SNX2: variants seen among roughly 807,000 people sequenced by gnomAD.
SNX2 encodes sorting nexin-2.
A neutral mutation model predicts 69.9 loss-of-function variants in SNX2; 25 were observed. The ratio of observed to expected loss-of-function variants is 0.36; its 90% CI spans 0.26 to 0.50. The LOEUF is 0.50. Among genes scored for constraint, SNX2 ranks in the 20% least tolerant of loss-of-function variants. The pLI is 0.97. For synonymous variants in SNX2, 229 were observed against 200.4 expected (o/e 1.14, Z -1.20); for missense variants, 551 against 613.3 (o/e 0.90, Z 1.07).
In SNX2 at chr5:122,818,991, A is replaced by T; in HGVS notation, c.1180A>T (p.Ser394Cys). The T allele has an allele frequency of 6.2e-7, 1 of 1,613,836 alleles. No individual in the cohort carries two copies. Among genetic ancestry groups the T allele is most frequent in the Non-Finnish European group, 8.5e-7 (1 of 1,179,784 alleles). ...ADFYMFSELLSDYIRLIAAVK... is the reference protein window; with the variant it reads ...ADFYMFSELLCDYIRLIAAVK... ...CTTTTATATGTTTTCAGAACTACTTAGTGACTACATTCGTCTTATTGCTGC... is the reference window on the plus strand; with the variant it reads ...CTTTTATATGTTTTCAGAACTACTTTGTGACTACATTCGTCTTATTGCTGC... Residue 394 changes from serine (S) to cysteine (C), a missense_variant, in exon 11 of 15, where the codon AGT becomes TGT. Around this residue, in one of 2 missense-constraint regions of SNX2, gnomAD observed 360 missense variants for 450.4 expected, o/e 0.80. Coordinates refer to ENST00000379516, the MANE Select transcript of SNX2 (RefSeq NM_003100.4).
chr5:122,776,754 GA>G (rs1454687740), intron 1 of SNX2, among the ~76,000 whole-genome samples: 1 of 152,144 alleles, frequency 6.6e-6, no homozygotes, highest in Non-Finnish European at 1.5e-5. Context: ...GTGTGAACTA[GA>G]ATACTGTGAA....
intron 6 of SNX2, among the ~76,000 whole-genome samples, chr5:122,806,142 G>GCACGCACGCA (rs1554063175): frequency 7.7e-6 from 1 of 130,584 alleles, no homozygotes; most frequent in African/African-American, 2.9e-5. Context: ...ACACGCGCGC[G>GCACGCACGCA]CACACACACA....
Position 122,802,134 on chromosome 5 carries a change from T to C in SNX2, c.501+10T>C. 6.2e-7 allele frequency: 1 copy of C among 1,612,898 alleles called. No individual in the cohort carries two copies. On this transcript the variant is annotated intron_variant, in intron 5 of 14. Coordinates refer to ENST00000379516, the MANE Select transcript of SNX2 (RefSeq NM_003100.4). ...TAGAGTAACAACAAAGGTGAGCTTT[T>C]TGTGCTTTTAAAAAAACTATCGAGC...
At chr5:122,801,591 C>G (rs2150008182) in intron 3 of SNX2, among the ~76,000 whole-genome samples, 1 of 128,386 alleles carries the variant, frequency 7.8e-6, no homozygotes, top group East Asian at 2.3e-4. Flanking sequence ...GGCAGCAGAG[C>G]AAGACTCTAT....
At chr5:122,775,741 T>G in intron 1 of SNX2, 1 of 985,678 alleles carries the variant, frequency 1.0e-6, no homozygotes, top group Non-Finnish European at 1.2e-6. Flanking sequence ...GGGAGCTGCT[T>G]CTGATTTGGA....
intron 1 of SNX2, among the ~76,000 whole-genome samples, chr5:122,792,396 T>A (rs1314778256): frequency 6.6e-6 from 1 of 152,050 alleles, no homozygotes; most frequent in Non-Finnish European, 1.5e-5. Flanking sequence ...GATTTCAAGA[T>A]CAGCCTCACC....
chr5:122,790,981 G>A (rs1753221487), intron 1 of SNX2, among the ~76,000 whole-genome samples: 1 of 152,172 alleles, frequency 6.6e-6, no homozygotes, highest in Non-Finnish European at 1.5e-5. Context: ...CATTAAGTAT[G>A]ATGTTAGTTG....
chr5:122,815,056 G>T (rs1362320948), intron 7 of SNX2, among the ~76,000 whole-genome samples: 5 of 151,522 alleles, frequency 3.3e-5, no homozygotes, highest in African/African-American at 1.2e-4. Context: ...GCCGATAGCA[G>T]TTGTTTTTAA....
At chr5:122,779,593 T>C (rs1752926751) in intron 1 of SNX2, among the ~76,000 whole-genome samples, 1 of 152,214 alleles carries the variant, frequency 6.6e-6, no homozygotes, top group Admixed American at 6.5e-5. Context: ...TGACCATGAG[T>C]ATTCAGCTAT....
intron 6 of SNX2, among the ~76,000 whole-genome samples, chr5:122,807,261 C>G (rs1473500173): frequency 6.7e-6 from 1 of 148,218 alleles, no homozygotes; most frequent in Non-Finnish European, 1.5e-5. Context: ...GACCGTGTTT[C>G]GAAAAAGAAA....
chr5:122,778,953 C>T (rs1167755423), intron 1 of SNX2, among the ~76,000 whole-genome samples: 1 of 152,114 alleles, frequency 6.6e-6, no homozygotes, highest in African/African-American at 2.4e-5. Flanking sequence ...AAAAATCTGG[C>T]AAAAGCCTGT....
In SNX2 at chr5:122,819,492, T is replaced by A. The variant is rs550068682; in HGVS notation, c.1212+469T>A. Among the ~76,000 whole-genome samples the A allele has an allele frequency of 3.3e-4, 50 of 152,318 alleles. No homozygotes were observed. In the South Asian group the frequency reaches 0.01, roughly 32 times the overall value. On this transcript the variant is annotated intron_variant, in intron 11 of 14. Transcript: ENST00000379516. ...TATCCTCAAATATGTAGTCACCATG[T>A]GTTTATAGATGAGATGGGACTAGAT...
chr5:122,808,281 G>T lies in SNX2; in HGVS notation c.648G>T (p.Met216Ile). ...TCTCATTCAACTTCTTCAAAGGGATGACCAAGGTCAAAGTGGGTAAAGAAG... is the reference window on the plus strand; with the variant it reads ...TCTCATTCAACTTCTTCAAAGGGATTACCAAGGTCAAAGTGGGTAAAGAAG... Reference protein sequence around the residue: ...PPAPEKSIVGMTKVKVGKEDS... With the variant: ...PPAPEKSIVGITKVKVGKEDS... Residue 216 changes from methionine (M) to isoleucine (I), a missense_variant, in exon 7 of 15, where the codon ATG becomes ATT. By Grantham distance (10) the Met-to-Ile change is conservative (BLOSUM62 1). Around this residue, in one of 2 missense-constraint regions of SNX2, gnomAD observed 360 missense variants for 450.4 expected, o/e 0.80. Transcript: ENST00000379516. 1.2e-6 allele frequency: 2 copies of T among 1,604,250 alleles called. No homozygotes were observed. Among genetic ancestry groups the T allele is most frequent in the South Asian group, 2.2e-5 (2 of 89,292 alleles).
intron 1 of SNX2, among the ~76,000 whole-genome samples, chr5:122,785,712 T>C (rs1753069528): frequency 6.6e-6 from 1 of 152,240 alleles, no homozygotes; most frequent in Admixed American, 6.5e-5. Context: ...ATTACTGATT[T>C]CTGGTTTCAT....
rs375280473 is a variant in SNX2, at chr5:122,817,022, G to A, written c.906G>A (p.Ser302=). The part of the protein sequence containing the change: ...VNKMTIKMNE[S]DAWFEEKQQQ... ...AAATGACAATCAAGATGAATGAATC[G>A]GATGCAGTAAGAGCTGATTTTTCGG... Residue 302 remains serine (S), a synonymous_variant, in exon 9 of 15, where the codon TCG becomes TCA. Transcript: ENST00000379516. 9.4e-5 allele frequency: 151 copies of A among 1,607,024 alleles called. 1 individual carries two copies. The highest frequency in any genetic ancestry group is 6.4e-4 in the South Asian group (58 of 90,138).
At chr5:122,808,552 T>G in intron 7 of SNX2, 197 bp downstream of exon 7, 1 of 439,926 alleles carries the variant, frequency 2.3e-6, no homozygotes, top group South Asian at 4.1e-5. Flanking sequence ...CTGTATAATT[T>G]TTAGTAATCC....
At position 122,827,578 on chromosome 5, in the gene SNX2, G is replaced by C. The variant is rs746311148; in HGVS notation, c.1441G>C (p.Glu481Gln). ...TTTTTAAAATGTACTTCAACAGAAA[G>C]AACGAGTGAAGGATTTTAAAACCGT... ...IRKEVGRFEK[E>Q]RVKDFKTVII... is the part of the protein sequence containing the mutation. Residue 481 changes from glutamate to glutamine, a missense_variant, in exon 14 of 15, where the codon GAA (glutamate) becomes CAA (glutamine). Physicochemically the swap from Glu to Gln is conservative, Grantham distance 29. Around this residue, in one of 2 missense-constraint regions of SNX2, gnomAD observed 360 missense variants for 450.4 expected, o/e 0.80. Transcript: ENST00000379516. 1.9e-6 allele frequency: 3 copies of C among 1,612,874 alleles called. No homozygotes were observed. Among genetic ancestry groups the C allele is most frequent in the South Asian group, 2.2e-5 (2 of 91,022 alleles).
Position 122,820,484 on chromosome 5 carries a change from T to C in SNX2, c.1212+1461T>C, listed in dbSNP as rs1452027561. Among the ~76,000 whole-genome samples the C allele has an allele frequency of 1.3e-5, 2 of 151,740 alleles. 1 individual carries two copies. Among genetic ancestry groups the C allele is most frequent in the Non-Finnish European group, 2.9e-5 (2 of 67,968 alleles). ...CGGGGAGTCAGAGGTTGCAGTGAGC[T>C]GGGATTGCGCAACTGCACTCCAGCC... On this transcript the variant is annotated intron_variant, in intron 11 of 14. Transcript: ENST00000379516.
intron 8 of SNX2, among the ~76,000 whole-genome samples, chr5:122,816,296 A>G (rs566389754): frequency 6.4e-4 from 75 of 117,122 alleles, no homozygotes; most frequent in Non-Finnish European, 1.0e-3. Flanking sequence ...TTTTAGAGAA[A>G]GAGAAAGTTG....
Sources: allele counts gnomAD v4.1 joint callset (sites outside exome capture counted in the v4.1 genomes callset), GRCh38; gene constraint gnomAD v4.1.1; regional missense constraint gnomAD v4.1.1; transcripts MANE v1.5; gene names NCBI Gene and HGNC (gene_info 2026-07-23, HGNC 2026-07-21).